Variants in TOM1L1 observed in about 807,000 individuals in gnomAD.
The protein encoded by TOM1L1 is TOM1-like protein 1.
Under a neutral mutation model 63.4 loss-of-function variants are expected in TOM1L1, and 64 were observed. That is an observed-to-expected ratio of 1.01 (90% CI 0.83 to 1.24). The LOEUF (loss-of-function observed/expected upper bound fraction) is 1.24. Among genes scored for constraint, TOM1L1 ranks in the 50% most tolerant of loss-of-function variants. The pLI, the probability that TOM1L1 is intolerant of heterozygous loss-of-function variation, is 0.00. For missense variants in TOM1L1, 536 were observed against 567.0 expected (o/e 0.95, Z 0.55); for synonymous variants, 166 against 194.4 (o/e 0.85, Z 1.22).
intron 8 of TOM1L1, among the ~76,000 whole-genome samples, chr17:54,934,373 T>G (rs1254347341): frequency 6.6e-6 from 1 of 152,222 alleles, no homozygotes; most frequent in African/African-American, 2.4e-5. Context: ...CCTTTAACAC[T>G]AGCAAACTTC....
At chr17:54,942,826 A>G (rs1463560795) in intron 11 of TOM1L1, among the ~76,000 whole-genome samples, 1 of 152,156 alleles carries the variant, frequency 6.6e-6, no homozygotes, top group Non-Finnish European at 1.5e-5. Flanking sequence ...CTATTCCTTT[A>G]TAGTCACACC....
chr17:54,941,736 T>C (rs1193425983), intron 11 of TOM1L1, among the ~76,000 whole-genome samples: 1 of 152,202 alleles, frequency 6.6e-6, no homozygotes, highest in Admixed American at 6.5e-5. Context: ...TGCATAAAAA[T>C]CACTTGGGTG....
At chr17:54,918,614 C>G (rs1274966309) in intron 7 of TOM1L1, among the ~76,000 whole-genome samples, 10 of 152,144 alleles carry the variant, frequency 6.6e-5, no homozygotes, top group Admixed American at 6.6e-4. Context: ...ATAACCAGGT[C>G]AGATTTTAGA....
intron 14 of TOM1L1, among the ~76,000 whole-genome samples, chr17:54,950,912 G>A (rs2049215450): frequency 1.3e-5 from 2 of 152,168 alleles, no homozygotes; most frequent in South Asian, 2.1e-4. Flanking sequence ...CCCCAAATAT[G>A]TGAGGATTTC....
chr17:54,955,824 C>T (rs952224302), intron 14 of TOM1L1, among the ~76,000 whole-genome samples: 1 of 152,214 alleles, frequency 6.6e-6, no homozygotes, highest in Non-Finnish European at 1.5e-5. Flanking sequence ...GGAGCTGCTG[C>T]TTCAAAGCAG....
chr17:54,920,896 G>T (rs1235627887), intron 7 of TOM1L1, among the ~76,000 whole-genome samples: 1 of 152,178 alleles, frequency 6.6e-6, no homozygotes, highest in African/African-American at 2.4e-5. Flanking sequence ...GATGTAGTAA[G>T]GCTGTTAGAT....
At chr17:54,902,087 C>T (rs2048335933) in intron 1 of TOM1L1, among the ~76,000 whole-genome samples, 1 of 152,158 alleles carries the variant, frequency 6.6e-6, no homozygotes, top group Non-Finnish European at 1.5e-5. Flanking sequence ...GGTCTCAAAC[C>T]TGAGGGAACT....
At chr17:54,914,015 T>G in intron 5 of TOM1L1, 142 bp downstream of exon 5, 3 of 952,480 alleles carry the variant, frequency 3.1e-6, no homozygotes, top group Non-Finnish European at 4.3e-6. Context: ...TCTCATAGAA[T>G]AACCGAGACT....
Position 54,900,941 on chromosome 17 carries a change from G to C in TOM1L1, c.58+18G>C. 6.2e-7 allele frequency: 1 copy of C among 1,613,756 alleles called. No homozygotes were observed. Among genetic ancestry groups the C allele is most frequent in the Non-Finnish European group, 8.5e-7 (1 of 1,180,010 alleles). On this transcript the variant is annotated intron_variant, in intron 1 of 15. Transcript: ENST00000575882. ...CCTCATAGGTAAGGAGGCGCGGGGA[G>C]AGACGCCCAGGCAGGCAGGGGACCG...
At chr17:54,923,742 CACCATGTTG>C (rs1189212609) in intron 7 of TOM1L1, among the ~76,000 whole-genome samples, 2 of 151,804 alleles carry the variant, frequency 1.3e-5, no homozygotes, top group Non-Finnish European at 2.9e-5. Flanking sequence ...TACAGGGTTT[CACCATGTTG>C]GCCAGGCTGG....
At position 54,950,138 on chromosome 17, in the gene TOM1L1, A is replaced by G. The variant is rs2049192599; in HGVS notation, c.1370+12A>G. On this transcript the variant is annotated intron_variant, in intron 14 of 15. Transcript: ENST00000575882. Reference sequence around the variant, plus strand: ...GCTGTCACTACAGAGTAAGTCATTTACAAAATGATTAATTTATTTTTTGTC... The same window carrying G: ...GCTGTCACTACAGAGTAAGTCATTTGCAAAATGATTAATTTATTTTTTGTC... The G allele has an allele frequency of 2.5e-6, 4 of 1,594,284 alleles. No homozygotes were observed. The highest frequency in any genetic ancestry group is 3.4e-6 in the Non-Finnish European group (4 of 1,163,750).
At position 54,937,184 on chromosome 17, in the gene TOM1L1, C is replaced by G; in HGVS notation, c.991C>G (p.Leu331Val). Residue 331 changes from leucine to valine, a missense_variant, in exon 10 of 16, where the codon CTG (leucine) becomes GTG (valine). By Grantham distance (32) the Leu-to-Val change is conservative (BLOSUM62 1). Transcript: ENST00000575882. The stretch of plus-strand genomic sequence containing the variant: ...CAGTCCCCGGATGCCTAGGGCCACT[C>G]TGGGAGAACTCAACACCATGAATAA... ...SPSPRMPRAT[L>V]GELNTMNNQL... 6.2e-7 allele frequency: 1 copy of G among 1,613,880 alleles called. No individual in the cohort carries two copies. The highest frequency in any genetic ancestry group is 8.5e-7 in the Non-Finnish European group (1 of 1,179,976).
intron 11 of TOM1L1, among the ~76,000 whole-genome samples, chr17:54,943,794 CGG>C (rs2049071356): frequency 1.3e-5 from 2 of 151,596 alleles, no homozygotes; most frequent in Non-Finnish European, 2.9e-5. Flanking sequence ...CTAGCTAATA[CGG>C]TGAAACCCTG....
At chr17:54,911,902 A>G (rs915788494) in intron 3 of TOM1L1, among the ~76,000 whole-genome samples, 1 of 152,154 alleles carries the variant, frequency 6.6e-6, no homozygotes, top group Non-Finnish European at 1.5e-5. Context: ...CCTTCAAGAT[A>G]ATATCCACAC....
intron 11 of TOM1L1, among the ~76,000 whole-genome samples, chr17:54,942,991 C>T (rs1470894039): frequency 2.0e-5 from 3 of 152,158 alleles, no homozygotes; most frequent in Non-Finnish European, 4.4e-5. Context: ...TGTTTTGAAG[C>T]TCATGCATTC....
chr17:54,942,020 C>G (rs187381172), intron 11 of TOM1L1, among the ~76,000 whole-genome samples: 1 of 152,038 alleles, frequency 6.6e-6, no homozygotes, highest in African/African-American at 2.4e-5. Context: ...TTCACCATCA[C>G]AGAAAAAGTG....
intron 8 of TOM1L1, among the ~76,000 whole-genome samples, chr17:54,933,552 C>T (rs1000238252): frequency 6.6e-6 from 1 of 152,168 alleles, no homozygotes; most frequent in Non-Finnish European, 1.5e-5. Context: ...GAGACAGAGT[C>T]TTGTTCTGTC....
chr17:54,901,108 C>A, intron 1 of TOM1L1, 185 bp downstream of exon 1: 2 of 766,560 alleles, frequency 2.6e-6, no homozygotes, highest in Non-Finnish European at 4.2e-6. Flanking sequence ...CCTTCTTGGC[C>A]AACTCACTGT....
intron 8 of TOM1L1, among the ~76,000 whole-genome samples, chr17:54,933,309 C>T (rs12949538): frequency 0.21 from 31,724 of 152,190 alleles, 3,878 homozygotes; most frequent in Non-Finnish European, 0.27. Flanking sequence ...TCTCTTCCAC[C>T]TTTAATGACC....
Sources: allele counts gnomAD v4.1 joint callset (sites outside exome capture counted in the v4.1 genomes callset), GRCh38; gene constraint gnomAD v4.1.1; transcripts MANE v1.5; gene names NCBI Gene and HGNC (gene_info 2026-07-23, HGNC 2026-07-21).